Variants in NAALADL2 observed in about 807,000 individuals in gnomAD.
NAALADL2 encodes N-acetylated alpha-linked acidic dipeptidase like 2.
In NAALADL2, 76 loss-of-function variants were observed where a neutral mutation model predicts 87.2. That is an observed-to-expected ratio of 0.87 (90% confidence interval 0.72 to 1.05). The LOEUF is 1.05. Among genes scored for constraint, NAALADL2 ranks in the 50% least tolerant of loss-of-function variants. The pLI, the probability that NAALADL2 is intolerant of heterozygous loss-of-function variation, is 0.00. For missense variants in NAALADL2, 1,089 were observed against 945.8 expected, an observed-to-expected ratio of 1.15 and a Z score of -1.99; for synonymous variants, 354 against 331.0, an observed-to-expected ratio of 1.07 and a Z score of -0.75.
intron 5 of NAALADL2, among the ~76,000 whole-genome samples, chr3:175,356,525 T>G (rs1359916434): frequency 2.0e-5 from 3 of 150,734 alleles, no homozygotes; most frequent in African/African-American, 7.3e-5. Context: ...CACTGAGCCA[T>G]GATCACACCA....
intron 2 of NAALADL2, among the ~76,000 whole-genome samples, chr3:175,104,519 A>T (rs137899784): frequency 6.6e-6 from 1 of 151,952 alleles, no homozygotes; most frequent in African/African-American, 2.4e-5. Flanking sequence ...CCCTCTTCAC[A>T]TTATTGTTGT....
chr3:174,670,394 TATTGTTGGCTGTACTTTTCTTTTTCC>T (rs1560132622), intron 2 of NAALADL2, among the ~76,000 whole-genome samples: 1 of 152,132 alleles, frequency 6.6e-6, no homozygotes, highest in Non-Finnish European at 1.5e-5. Flanking sequence ...ACAAGAGTTT[TATTGTTGGCTGTACTTTTCTTTTTCC>T]ATTGATAAAT....
intron 5 of NAALADL2, among the ~76,000 whole-genome samples, chr3:175,373,329 C>T (rs531833247): frequency 1.7e-4 from 26 of 152,314 alleles, no homozygotes; most frequent in Admixed American, 6.5e-4. Context: ...TCCACTGCCA[C>T]CTAATCTAGT....
At chr3:175,227,510 A>C (rs780661899) in intron 2 of NAALADL2, among the ~76,000 whole-genome samples, 13 of 151,992 alleles carry the variant, frequency 8.6e-5, no homozygotes, top group Non-Finnish European at 1.5e-4. Flanking sequence ...TATACCCTTC[A>C]ATTTTTGCAA....
intron 3 of NAALADL2, among the ~76,000 whole-genome samples, chr3:174,762,845 G>A (rs976276623): frequency 6.6e-6 from 1 of 152,024 alleles, no homozygotes; most frequent in African/African-American, 2.4e-5. Context: ...TTAATTACAT[G>A]GAGCTTGAAA....
chr3:175,338,087 A>G (rs1762179577), intron 5 of NAALADL2, among the ~76,000 whole-genome samples: 1 of 152,180 alleles, frequency 6.6e-6, no homozygotes, highest in South Asian at 2.1e-4. Context: ...AAGCTATGTC[A>G]GGAGTGTGGT....
intron 2 of NAALADL2, among the ~76,000 whole-genome samples, chr3:175,219,314 G>A (rs1742994699): frequency 6.6e-6 from 1 of 151,960 alleles, no homozygotes; most frequent in Admixed American, 6.6e-5. Flanking sequence ...ATTTTCAAAT[G>A]GTTATTGTTC....
chr3:175,760,945 C>T (rs1747923652), intron 13 of NAALADL2, among the ~76,000 whole-genome samples: 1 of 152,124 alleles, frequency 6.6e-6, no homozygotes, highest in African/African-American at 2.4e-5. Context: ...CATATGATTC[C>T]TCAGCATCCC....
intron 1 of NAALADL2, among the ~76,000 whole-genome samples, chr3:174,939,981 CTTAGGTGTTCT>C (rs970835112): frequency 4.6e-5 from 7 of 151,960 alleles, no homozygotes; most frequent in African/African-American, 1.7e-4. Flanking sequence ...TCTCTTCCTA[CTTAGGTGTTCT>C]TTATTTTTTA....
At chr3:174,957,066 G>A (rs1217746356) in intron 1 of NAALADL2, among the ~76,000 whole-genome samples, 1 of 151,926 alleles carries the variant, frequency 6.6e-6, no homozygotes, top group Non-Finnish European at 1.5e-5. Flanking sequence ...GTACATACAA[G>A]CTACAAGGGA....
At chr3:175,482,525 C>T (rs1726631218) in intron 9 of NAALADL2, among the ~76,000 whole-genome samples, 1 of 151,844 alleles carries the variant, frequency 6.6e-6, no homozygotes, top group African/African-American at 2.4e-5. Flanking sequence ...TTCATCATGA[C>T]GTGTAAGTTA....
At chr3:175,718,624 G>C (rs1741741485) in intron 11 of NAALADL2, 1 of 1,592,448 alleles carries the variant, frequency 6.3e-7, no homozygotes, top group Admixed American at 1.7e-5. Context: ...CCAACAGTCG[G>C]AAATTGCGAG....
At chr3:174,549,185 A>T (rs995392188) in intron 1 of NAALADL2, among the ~76,000 whole-genome samples, 12 of 152,212 alleles carry the variant, frequency 7.9e-5, no homozygotes, top group African/African-American at 2.4e-4. Context: ...TTACAATGCA[A>T]CTTTAAAGAA....
chr3:175,156,666 T>C (rs903115865), intron 2 of NAALADL2, among the ~76,000 whole-genome samples: 1 of 149,480 alleles, frequency 6.7e-6, no homozygotes, highest in Non-Finnish European at 1.5e-5. Context: ...AGTAGTAGAT[T>C]GTCTATCCTT....
At chr3:174,920,754 A>G (rs968353012) in intron 1 of NAALADL2, among the ~76,000 whole-genome samples, 1 of 152,184 alleles carries the variant, frequency 6.6e-6, no homozygotes, top group Non-Finnish European at 1.5e-5. Flanking sequence ...GACTTTCAAC[A>G]TGCTTTCCTC....
At chr3:174,843,475 A>G (rs779695943) in intron 3 of NAALADL2, among the ~76,000 whole-genome samples, 6 of 152,156 alleles carry the variant, frequency 3.9e-5, no homozygotes, top group Non-Finnish European at 8.8e-5. Flanking sequence ...CGTCTTGGCT[A>G]TTGTGAATAG....
chr3:174,522,493 C>CA (rs1051061652), intron 1 of NAALADL2, among the ~76,000 whole-genome samples: 11 of 150,614 alleles, frequency 7.3e-5, no homozygotes, highest in Admixed American at 3.3e-4. Flanking sequence ...TTCATCTCTC[C>CA]AAAAAAAAGA....
At chr3:175,686,532 A>G (rs916707480) in intron 11 of NAALADL2, among the ~76,000 whole-genome samples, 7 of 152,134 alleles carry the variant, frequency 4.6e-5, no homozygotes, top group African/African-American at 1.7e-4. Context: ...ACATATTTAC[A>G]TACATATTAA....
chr3:175,176,749 C>T (rs533296442), intron 2 of NAALADL2, among the ~76,000 whole-genome samples: 125 of 151,944 alleles, frequency 8.2e-4, no homozygotes, highest in African/African-American at 2.7e-3. Context: ...AGTAAGGGGT[C>T]GGAGCCAAGG....
Sources: gnomAD v4.1 joint callset for allele counts (sites outside exome capture counted in the v4.1 genomes callset) on GRCh38, gnomAD v4.1.1 for gene constraint, MANE v1.5 for transcripts, NCBI Gene and HGNC (gene_info 2026-07-23, HGNC 2026-07-21) for gene names.